The following UVRAG variants were observed in gnomAD, a reference collection of about 807,000 sequenced individuals.
UVRAG encodes UV radiation resistance-associated gene protein.
UVRAG carries 19 observed loss-of-function variants against 78.0 expected under a neutral mutation model. That is an observed-to-expected ratio of 0.24 (90% CI 0.17 to 0.36). The LOEUF is 0.36. Among genes scored for constraint, UVRAG ranks in the 10% least tolerant of loss-of-function variants. The pLI, the probability that UVRAG is intolerant of heterozygous loss-of-function variation, is 1.00. For missense variants in UVRAG, 740 were observed against 853.8 expected, an observed-to-expected ratio of 0.87 and a Z score of 1.66; for synonymous variants, 323 against 324.6, an observed-to-expected ratio of 1.00 and a Z score of 0.05.
intron 3 of UVRAG, among the ~76,000 whole-genome samples, chr11:75,866,188 G>T (rs1270874020): frequency 6.6e-6 from 1 of 151,406 alleles, no homozygotes; most frequent in African/African-American, 2.4e-5. Flanking sequence ...TGCCACTCCA[G>T]CTTGGGTGAC....
intron 13 of UVRAG, among the ~76,000 whole-genome samples, chr11:76,115,614 T>C (rs1163571048): frequency 6.6e-6 from 1 of 152,038 alleles, no homozygotes; most frequent in Non-Finnish European, 1.5e-5. Context: ...GATACAGGGG[T>C]CTTTGAAATA....
intron 6 of UVRAG, among the ~76,000 whole-genome samples, chr11:75,960,400 A>G (rs537226065): frequency 2.6e-5 from 4 of 152,136 alleles, no homozygotes; most frequent in Non-Finnish European, 4.4e-5. Flanking sequence ...CCACATGACA[A>G]TTATGTCATC....
At chr11:76,043,408 G>C (rs1252873294) in intron 12 of UVRAG, among the ~76,000 whole-genome samples, 1 of 152,132 alleles carries the variant, frequency 6.6e-6, no homozygotes, top group Non-Finnish European at 1.5e-5. Flanking sequence ...CTTTTACTGT[G>C]TATAAGCTAC....
At chr11:76,121,878 G>A (rs17134573) in intron 14 of UVRAG, among the ~76,000 whole-genome samples, 15,018 of 152,156 alleles carry the variant, frequency 0.099, 1,736 homozygotes, top group African/African-American at 0.28. Context: ...AGAGATAAGT[G>A]TGTATTCCCT....
chr11:75,984,133 G>A (rs1267591726), intron 8 of UVRAG, among the ~76,000 whole-genome samples: 2 of 152,078 alleles, frequency 1.3e-5, no homozygotes, highest in African/African-American at 2.4e-5. Context: ...TATGAATTTT[G>A]AATTTTGATC....
chr11:75,974,570 G>C (rs955170307), intron 7 of UVRAG, among the ~76,000 whole-genome samples: 1 of 151,588 alleles, frequency 6.6e-6, no homozygotes, highest in Non-Finnish European at 1.5e-5. Flanking sequence ...GTTTCACCTT[G>C]TTAGCCAGGA....
At chr11:76,097,248 C>A (rs1384013473) in intron 13 of UVRAG, among the ~76,000 whole-genome samples, 1 of 152,110 alleles carries the variant, frequency 6.6e-6, no homozygotes. Context: ...GAATTCAGAA[C>A]CTTGCTTAAA....
rs370172530 is a variant in UVRAG, at chr11:76,014,567, C to T, written c.1061-2248C>T. On this transcript the variant is annotated intron_variant, in intron 11 of 14. Transcript: ENST00000356136. ...TAAGACCTAATCTTTACGGAAAGCA[C>T]GAGGCAGAATTCAGTCACCTGTGAA... Among the ~76,000 whole-genome samples the T allele has an allele frequency of 3.3e-5, 5 of 152,158 alleles. No homozygotes were observed. The East Asian group carries it at 7.7e-4, about 23-fold the overall frequency.
At chr11:75,989,808 G>T (rs1949571097) in intron 8 of UVRAG, among the ~76,000 whole-genome samples, 1 of 152,226 alleles carries the variant, frequency 6.6e-6, no homozygotes, top group Admixed American at 6.5e-5. Flanking sequence ...CCCTTTCAGG[G>T]CAGGGACTTT....
intron 5 of UVRAG, among the ~76,000 whole-genome samples, chr11:75,901,616 C>G (rs1036116025): frequency 1.3e-5 from 2 of 152,162 alleles, no homozygotes; most frequent in Non-Finnish European, 2.9e-5. Flanking sequence ...TGTCCTGAGT[C>G]CCTTCTTCTG....
At chr11:76,118,966 G>T (rs1159623866) in intron 14 of UVRAG, among the ~76,000 whole-genome samples, 3 of 152,148 alleles carry the variant, frequency 2.0e-5, no homozygotes, top group Non-Finnish European at 4.4e-5. Context: ...TTTGTTTGTT[G>T]CTGGGGAGAG....
chr11:76,131,323 C>A (rs979523833), intron 14 of UVRAG, among the ~76,000 whole-genome samples: 1 of 152,198 alleles, frequency 6.6e-6, no homozygotes, highest in Non-Finnish European at 1.5e-5. Context: ...GGAGCCTGAG[C>A]TGGCCTCCAG....
intron 7 of UVRAG, among the ~76,000 whole-genome samples, chr11:75,970,701 C>G (rs910074469): frequency 1.3e-5 from 2 of 149,274 alleles, no homozygotes; most frequent in African/African-American, 2.5e-5. Flanking sequence ...CCACTGCACT[C>G]CAGCCTGGGC....
chr11:76,005,900 G>C (rs1232189457), intron 9 of UVRAG, among the ~76,000 whole-genome samples: 1 of 152,224 alleles, frequency 6.6e-6, no homozygotes, highest in Non-Finnish European at 1.5e-5. Flanking sequence ...AGGTATGGGG[G>C]AGGGAGCATG....
intron 14 of UVRAG, among the ~76,000 whole-genome samples, chr11:76,133,619 T>G (rs1952549196): frequency 6.6e-6 from 1 of 152,188 alleles, no homozygotes; most frequent in Admixed American, 6.5e-5. Context: ...CTTCTTCATT[T>G]TAGTCAGAGA....
At chr11:75,829,855 T>C (rs991420012) in intron 1 of UVRAG, among the ~76,000 whole-genome samples, 4 of 152,264 alleles carry the variant, frequency 2.6e-5, no homozygotes, top group African/African-American at 9.6e-5. Context: ...TTTTTACTTT[T>C]TTGAGACGAA....
At chr11:75,907,140 A>T (rs1239452317) in intron 5 of UVRAG, among the ~76,000 whole-genome samples, 2 of 152,324 alleles carry the variant, frequency 1.3e-5, no homozygotes, top group South Asian at 2.1e-4. Context: ...TTAAGTCTTT[A>T]TATCCGTGAA....
intron 8 of UVRAG, among the ~76,000 whole-genome samples, chr11:75,994,286 C>T (rs1053020058): frequency 6.6e-6 from 1 of 152,144 alleles, no homozygotes; most frequent in East Asian, 1.9e-4. Flanking sequence ...AGTGCTTATA[C>T]AGAAGTTCTT....
intron 1 of UVRAG, among the ~76,000 whole-genome samples, chr11:75,824,531 A>G (rs1590898192): frequency 6.6e-6 from 1 of 152,112 alleles, no homozygotes; most frequent in Non-Finnish European, 1.5e-5. Context: ...ATTGAAACTA[A>G]TAAGTTGGGC....
Sources: allele counts gnomAD v4.1 joint callset (sites outside exome capture counted in the v4.1 genomes callset), GRCh38; gene constraint gnomAD v4.1.1; transcripts MANE v1.5; gene names NCBI Gene and HGNC (gene_info 2026-07-23, HGNC 2026-07-21).